The following TRPC6 variants were observed in gnomAD, a reference collection of about 807,000 sequenced individuals.
TRPC6 encodes transient receptor potential cation channel subfamily C member 6.
A neutral mutation model predicts 90.7 loss-of-function variants in TRPC6; 55 were observed. The observed-to-expected ratio is 0.61, with a 90% CI of 0.49 to 0.76. TRPC6 has a LOEUF of 0.76. TRPC6 is among the 30% of genes least tolerant of loss of function. The pLI, the probability that TRPC6 is intolerant of heterozygous loss-of-function variation, is 0.00. For synonymous variants in TRPC6, 393 were observed against 393.0 expected, an observed-to-expected ratio of 1.00 and a Z score of 0.00; for missense variants, 989 against 1,122.7, an observed-to-expected ratio of 0.88 and a Z score of 1.70.
intron 11 of TRPC6, among the ~76,000 whole-genome samples, chr11:101,453,989 C>T (rs1382095012): frequency 6.6e-6 from 1 of 152,122 alleles, no homozygotes; most frequent in Non-Finnish European, 1.5e-5. Flanking sequence ...TCCTTTATGT[C>T]CATTGCTTGT....
Position 101,583,567 on chromosome 11 carries a change from G to T in TRPC6, c.-64C>A. ...GGAGCCGAGTGGGCAGTTCCAGCGG[G>T]GACCCGGTGCGGAGGGTTCGCGTCA... On this transcript the variant is annotated 5_prime_UTR_variant, in exon 1 of 13. Coordinates refer to ENST00000344327, the MANE Select transcript of TRPC6 (RefSeq NM_004621.6). 1 of 1,400,262 alleles carries T rather than the reference G, an allele frequency of 7.1e-7. No individual in the cohort carries two copies. Among genetic ancestry groups the T allele is most frequent in the Non-Finnish European group, 9.2e-7 (1 of 1,081,970 alleles). 86.7% of individuals were successfully genotyped at this position (1,400,262 alleles called of 1,614,324 possible).
At chr11:101,520,187 G>T (rs536856349) in intron 1 of TRPC6, among the ~76,000 whole-genome samples, 16 of 152,044 alleles carry the variant, frequency 1.1e-4, no homozygotes, top group Admixed American at 7.9e-4. Context: ...TTCCATTCTC[G>T]TGACAGTGAG....
At chr11:101,533,717 A>T (rs952268940) in intron 1 of TRPC6, among the ~76,000 whole-genome samples, 5 of 151,910 alleles carry the variant, frequency 3.3e-5, no homozygotes, top group African/African-American at 1.2e-4. Context: ...ATTTTTTTTT[A>T]AGGTATTTCA....
intron 2 of TRPC6, among the ~76,000 whole-genome samples, chr11:101,500,856 G>A (rs945611175): frequency 3.3e-5 from 5 of 152,184 alleles, no homozygotes; most frequent in East Asian, 3.9e-4. Context: ...GATGTTGTTC[G>A]CTTAGTTGAT....
intron 4 of TRPC6, among the ~76,000 whole-genome samples, chr11:101,488,497 C>T (rs1006396518): frequency 6.6e-6 from 1 of 152,094 alleles, no homozygotes; most frequent in African/African-American, 2.4e-5. Context: ...CAAGACAAAA[C>T]TTTCATCTCA....
At chr11:101,465,602 T>C (rs954046620) in intron 10 of TRPC6, among the ~76,000 whole-genome samples, 1 of 152,254 alleles carries the variant, frequency 6.6e-6, no homozygotes, top group African/African-American at 2.4e-5. Flanking sequence ...TTGTGTATGC[T>C]TCACAAAGTT....
intron 2 of TRPC6, among the ~76,000 whole-genome samples, chr11:101,496,301 T>G (rs1859948024): frequency 6.6e-6 from 1 of 152,162 alleles, no homozygotes; most frequent in East Asian, 1.9e-4. Context: ...CTATGATATA[T>G]ACAGTGTTGC....
intron 1 of TRPC6, among the ~76,000 whole-genome samples, chr11:101,553,136 A>C (rs541971082): frequency 1.3e-5 from 2 of 152,120 alleles, no homozygotes; most frequent in African/African-American, 4.8e-5. Context: ...AATCAGTGCC[A>C]GTCCCCTCTT....
chr11:101,576,621 A>T (rs1862076627), intron 1 of TRPC6, among the ~76,000 whole-genome samples: 1 of 152,236 alleles, frequency 6.6e-6, no homozygotes, highest in Non-Finnish European at 1.5e-5. Context: ...AACAAAGAGC[A>T]ATCACACACA....
chr11:101,504,485 CA>C lies in TRPC6; in HGVS notation c.483del (p.Asp163MetfsTer5). 1 of 1,614,100 alleles carries C rather than the reference CA, an allele frequency of 6.2e-7. No homozygotes were observed. The highest frequency in any genetic ancestry group is 8.5e-7 in the Non-Finnish European group (1 of 1,180,006). On this transcript the variant is annotated frameshift_variant, in exon 2 of 13. Coordinates refer to ENST00000344327, the MANE Select transcript of TRPC6 (RefSeq NM_004621.6). LOFTEE classifies it high-confidence loss of function. ...CTAATAGCTAGAAGCAAAGCATCCC[CA>C]ACTCGAGAGAGGTTTTCTTTCTTGA... ...LLLKKENLSRVGDALLLAISK... is the reference protein window; with the variant it reads ...LLLKKENLSRXGDALLLAISK...
At chr11:101,473,396 A>G in intron 7 of TRPC6, 113 bp downstream of exon 7, 1 of 1,238,004 alleles carries the variant, frequency 8.1e-7, no homozygotes. Flanking sequence ...CAAAACAGGA[A>G]CTAGAGATGA....
At chr11:101,489,816 A>G (rs1212453403) in intron 3 of TRPC6, among the ~76,000 whole-genome samples, 1 of 152,148 alleles carries the variant, frequency 6.6e-6, no homozygotes, top group African/African-American at 2.4e-5. Context: ...GTTATATAGA[A>G]GAACTACAAG....
At chr11:101,472,707 A>G (rs143340953) in intron 7 of TRPC6, among the ~76,000 whole-genome samples, 309 of 152,282 alleles carry the variant, frequency 2.0e-3, no homozygotes, top group African/African-American at 7.3e-3. Flanking sequence ...ATAGATAATA[A>G]TCATATACAT....
intron 1 of TRPC6, among the ~76,000 whole-genome samples, chr11:101,530,975 G>A (rs1230225846): frequency 6.6e-6 from 1 of 152,032 alleles, no homozygotes; most frequent in Non-Finnish European, 1.5e-5. Flanking sequence ...TTGGTCAAAG[G>A]GTACAAACTT....
chr11:101,472,108 C>A lies in TRPC6; in HGVS notation c.2205+29G>T. The A allele has an allele frequency of 3.1e-6, 5 of 1,606,238 alleles. No individual in the cohort carries two copies. In the African/African-American group the frequency reaches 4.0e-5, roughly 13 times the overall value. Reference sequence around the variant, plus strand: ...TTGGAATAGTTAAAACATGAAGGCACAAATTATAAAAATGTATTGAGATTA... The same window carrying A: ...TTGGAATAGTTAAAACATGAAGGCAAAAATTATAAAAATGTATTGAGATTA... On this transcript the variant is annotated intron_variant, in intron 8 of 12. Transcript: ENST00000344327.
At chr11:101,503,958 G>T in intron 2 of TRPC6, 66 bp downstream of exon 2, 2 of 1,599,386 alleles carry the variant, frequency 1.3e-6, no homozygotes, top group Non-Finnish European at 1.7e-6. Flanking sequence ...AGCACATGGG[G>T]GAAGCTGGTA....
At chr11:101,564,312 ACAAT>A (rs1361888760) in intron 1 of TRPC6, among the ~76,000 whole-genome samples, 3 of 152,220 alleles carry the variant, frequency 2.0e-5, no homozygotes, top group Non-Finnish European at 4.4e-5. Context: ...ATTTTATATA[ACAAT>A]CATATACATA....
intron 8 of TRPC6, 37 bp from the exon 9 acceptor site, chr11:101,471,423 C>A: frequency 6.2e-7 from 1 of 1,604,580 alleles, no homozygotes; most frequent in Non-Finnish European, 8.5e-7. Flanking sequence ...CAAGGAAATG[C>A]ATAAACAGAA....
intron 10 of TRPC6, among the ~76,000 whole-genome samples, chr11:101,457,308 T>G (rs971662553): frequency 1.3e-5 from 2 of 152,132 alleles, no homozygotes; most frequent in Non-Finnish European, 2.9e-5. Flanking sequence ...TCTACCACAT[T>G]TTATGCATTC....
Sources: gnomAD v4.1 joint callset for allele counts (sites outside exome capture counted in the v4.1 genomes callset) on GRCh38, gnomAD v4.1.1 for gene constraint, MANE v1.5 for transcripts, NCBI Gene and HGNC (gene_info 2026-07-23, HGNC 2026-07-21) for gene names.